The following NCK2 variants were observed in gnomAD, a reference collection of about 807,000 sequenced individuals.
NCK2 encodes the protein cytoplasmic protein NCK2.
In NCK2, 16 loss-of-function variants were observed where a neutral mutation model predicts 33.9. The ratio of observed to expected loss-of-function variants is 0.47; its 90% CI spans 0.32 to 0.72. The LOEUF is 0.72. NCK2 is among the 30% of genes least tolerant of loss of function. NCK2 has a pLI of 0.03. For missense variants in NCK2, 418 were observed against 537.3 expected, an observed-to-expected ratio of 0.78 and a Z score of 2.19; for synonymous variants, 273 against 239.9, an observed-to-expected ratio of 1.14 and a Z score of -1.27.
chr2:105,844,494 C>T (rs1443036344), intron 2 of NCK2, among the ~76,000 whole-genome samples: 2 of 150,604 alleles, frequency 1.3e-5, no homozygotes, highest in Admixed American at 6.6e-5. Context: ...GAGGCTGAGG[C>T]GGGCGGATTA....
chr2:105,755,966 T>C (rs1689588309), intron 1 of NCK2, among the ~76,000 whole-genome samples: 1 of 152,216 alleles, frequency 6.6e-6, no homozygotes, highest in South Asian at 2.1e-4. Context: ...TATCACAAAT[T>C]AGACCTTACG....
At chr2:105,809,879 TAGA>T (rs1328796180) in intron 1 of NCK2, among the ~76,000 whole-genome samples, 4 of 152,154 alleles carry the variant, frequency 2.6e-5, no homozygotes, top group African/African-American at 4.8e-5. Flanking sequence ...TGAGCACTGC[TAGA>T]AGAAGAGGGA....
chr2:105,780,104 C>T (rs577717847), intron 1 of NCK2, among the ~76,000 whole-genome samples: 72 of 152,152 alleles, frequency 4.7e-4, no homozygotes, highest in Non-Finnish European at 9.7e-4. Context: ...ATATTTTGGA[C>T]GTACTAGAAA....
chr2:105,828,863 A>G (rs1676058424), intron 2 of NCK2, among the ~76,000 whole-genome samples: 2 of 152,062 alleles, frequency 1.3e-5, no homozygotes, highest in Admixed American at 1.3e-4. Flanking sequence ...GTCTTCTTTT[A>G]ATAGAAACCA....
At chr2:105,807,314 C>T (rs149216193) in intron 1 of NCK2, among the ~76,000 whole-genome samples, 5 of 152,292 alleles carry the variant, frequency 3.3e-5, no homozygotes, top group South Asian at 2.1e-4. Context: ...GTGCTCTCCT[C>T]GAAGGGCAGG....
At chr2:105,843,844 C>G (rs1053529798) in intron 2 of NCK2, among the ~76,000 whole-genome samples, 9 of 152,104 alleles carry the variant, frequency 5.9e-5, no homozygotes, top group Admixed American at 4.6e-4. Context: ...GAGTTAACTC[C>G]CCACCCTTAA....
intron 1 of NCK2, among the ~76,000 whole-genome samples, chr2:105,802,770 T>G (rs2104449800): frequency 6.6e-6 from 1 of 152,306 alleles, no homozygotes; most frequent in South Asian, 2.1e-4. Flanking sequence ...AGTCAGATAT[T>G]CAAACGGTAG....
At chr2:105,753,616 C>T (rs888264567) in intron 1 of NCK2, among the ~76,000 whole-genome samples, 1 of 152,196 alleles carries the variant, frequency 6.6e-6, no homozygotes, top group African/African-American at 2.4e-5. Flanking sequence ...ACACTGGGGG[C>T]TGAGAAAACA....
At chr2:105,778,822 C>T (rs1251962796) in intron 1 of NCK2, among the ~76,000 whole-genome samples, 4 of 151,986 alleles carry the variant, frequency 2.6e-5, no homozygotes, top group Admixed American at 6.6e-5. Flanking sequence ...TTCTGGGTTC[C>T]AGTGATCCTC....
At chr2:105,822,084 A>G (rs865897611) in intron 2 of NCK2, among the ~76,000 whole-genome samples, 2 of 151,916 alleles carry the variant, frequency 1.3e-5, no homozygotes, top group Non-Finnish European at 2.9e-5. Flanking sequence ...TCCTGACCCA[A>G]AAAAGCCTTT....
chr2:105,789,015 C>G, intron 1 of NCK2, among the ~76,000 whole-genome samples: 1 of 152,170 alleles, frequency 6.6e-6, no homozygotes, highest in East Asian at 1.9e-4. Context: ...ATGCACGCTT[C>G]TCTGCCAATC....
chr2:105,835,393 A>ATATATATATATATATATATGTGTGTG lies in NCK2; in HGVS notation c.-17+18792_-17+18793insTATATATGTGTGTGTATATATATATA, dbSNP rs371518634. On this transcript the variant is annotated intron_variant, in intron 2 of 4. Transcript: ENST00000233154. Reference sequence around the variant, plus strand: ...TATATATACATATATATACACATATATATATATATATACGTGTATATATAT... The same window carrying ATATATATATATATATATATGTGTGTG: ...TATATATACATATATATACACATATATATATATATATATATATATGTGTGTGTATATATATATACGTGTATATATAT... 3.3e-4 allele frequency among the ~76,000 whole-genome samples: 17 copies of ATATATATATATATATATATGTGTGTG among 51,674 alleles called. 1 individual carries two copies. Among genetic ancestry groups the ATATATATATATATATATATGTGTGTG allele is most frequent in the East Asian group, 2.6e-3 (4 of 1,534 alleles). The allele number at this position is 51,674 out of a possible 152,430, so 33.9% of individuals were successfully genotyped here.
chr2:105,798,172 A>G (rs1453555410), intron 1 of NCK2, among the ~76,000 whole-genome samples: 1 of 152,150 alleles, frequency 6.6e-6, no homozygotes, highest in Admixed American at 6.5e-5. Flanking sequence ...GCTTGTTGTA[A>G]TGTTTGTTTT....
chr2:105,762,827 A>G (rs543376307), intron 1 of NCK2, among the ~76,000 whole-genome samples: 11 of 152,350 alleles, frequency 7.2e-5, no homozygotes, highest in African/African-American at 2.6e-4. Flanking sequence ...GTAGATTACT[A>G]TGTCTCAAGT....
At chr2:105,793,264 GT>G (rs1000269165) in intron 1 of NCK2, among the ~76,000 whole-genome samples, 1 of 152,168 alleles carries the variant, frequency 6.6e-6, no homozygotes, top group African/African-American at 2.4e-5. Context: ...AGTGCTGCCT[GT>G]TTTTTTGTCC....
rs191271237 is a variant in NCK2, at chr2:105,834,324, T to G, written c.-17+17711T>G. Among the ~76,000 whole-genome samples, 206 of 152,364 alleles carry G rather than the reference T, an allele frequency of 1.4e-3. 1 individual carries two copies. Among genetic ancestry groups the G allele is most frequent in the African/African-American group, 4.8e-3 (198 of 41,588 alleles). On this transcript the variant is annotated intron_variant, in intron 2 of 4. Transcript: ENST00000233154. ...GCTTATATATGTGGGTGCCCTGTTC[T>G]TGGGTACATATATATTTACAATTGT...
At position 105,756,451 on chromosome 2, in the gene NCK2, G is replaced by C. The variant is rs142866636; in HGVS notation, c.-201+11313G>C. Among the ~76,000 whole-genome samples, 660 of 152,298 alleles carry C rather than the reference G, an allele frequency of 4.3e-3. 3 individuals are homozygous for C. The highest frequency in any genetic ancestry group is 0.024 in the Middle Eastern group (7 of 294). ...AGTTCTGAAGTTGCAACTTTGGAAC[G>C]ATGTGTGTTTCTCTTATTACTTGCA... On this transcript the variant is annotated intron_variant, in intron 1 of 4. Transcript: ENST00000233154.
chr2:105,893,045 G>A lies in NCK2; in HGVS notation c.1012G>A (p.Val338Met), dbSNP rs147922486. ...GKNKHFKVQL[V>M]DNVYCIGQRR... ...GAACAAACACTTCAAGGTGCAGCTCGTGGACAATGTCTACTGCATTGGGCA... is the reference window on the plus strand; with the variant it reads ...GAACAAACACTTCAAGGTGCAGCTCATGGACAATGTCTACTGCATTGGGCA... Residue 338 changes from valine (V) to methionine (M), a missense_variant, in exon 5 of 5, where the codon GTG becomes ATG. Transcript: ENST00000233154. 1.2e-3 allele frequency: 1,922 copies of A among 1,614,158 alleles called. 2 individuals are homozygous for A. The highest frequency in any genetic ancestry group is 1.5e-3 in the Non-Finnish European group (1,736 of 1,180,022).
At chr2:105,891,161 A>C (rs1308409230) in intron 4 of NCK2, among the ~76,000 whole-genome samples, 3 of 151,866 alleles carry the variant, frequency 2.0e-5, no homozygotes, top group Non-Finnish European at 4.4e-5. Context: ...GCATACTCTC[A>C]CACACTCTCA....
Sources: allele counts gnomAD v4.1 joint callset (sites outside exome capture counted in the v4.1 genomes callset), GRCh38; gene constraint gnomAD v4.1.1; transcripts MANE v1.5; gene names NCBI Gene and HGNC (gene_info 2026-07-23, HGNC 2026-07-21).